ANKH: variants seen among roughly 807,000 people sequenced by gnomAD.
The protein encoded by ANKH is ANKH inorganic pyrophosphate transport regulator, also known as mineralization regulator ANKH.
Under a neutral mutation model 49.0 loss-of-function variants are expected in ANKH, and 15 were observed. That is an observed-to-expected ratio of 0.31 (90% CI 0.20 to 0.47). The LOEUF (loss-of-function observed/expected upper bound fraction) is 0.47, where lower values mean the gene tolerates loss of function less well. ANKH is among the 20% of genes least tolerant of loss of function. The pLI, the probability that ANKH is intolerant of heterozygous loss-of-function variation, is 1.00. For missense variants in ANKH, 429 were observed against 652.0 expected, an observed-to-expected ratio of 0.66 and a Z score of 3.72; for synonymous variants, 273 against 260.0, an observed-to-expected ratio of 1.05 and a Z score of -0.48.
Position 14,718,603 on chromosome 5 carries a change from G to A in ANKH, c.1012-1768C>T, listed in dbSNP as rs1292892623. On this transcript the variant is annotated intron_variant, in intron 8 of 11. Transcript: ENST00000284268. Reference sequence around the variant, plus strand: ...AGGCGGGCGGATGACCTGATGTCAGGAGTTCGAGACCAGCCTGGCCAACAT... The same window carrying A: ...AGGCGGGCGGATGACCTGATGTCAGAAGTTCGAGACCAGCCTGGCCAACAT... Among the ~76,000 whole-genome samples, 3 of 152,154 alleles carry A rather than the reference G, an allele frequency of 2.0e-5. No homozygotes were observed. The East Asian group carries it at 5.8e-4, about 29-fold the overall frequency.
At chr5:14,836,090 A>G (rs1159877908) in intron 1 of ANKH, among the ~76,000 whole-genome samples, 2 of 152,092 alleles carry the variant, frequency 1.3e-5, no homozygotes, top group Non-Finnish European at 1.5e-5. Flanking sequence ...AAAACTCTCA[A>G]TAAACTAGGT....
chr5:14,728,065 T>A (rs1425173070), intron 8 of ANKH, among the ~76,000 whole-genome samples: 1 of 152,214 alleles, frequency 6.6e-6, no homozygotes, highest in African/African-American at 2.4e-5. Flanking sequence ...ACCACTCAAA[T>A]CTGCTATACG....
intron 8 of ANKH, among the ~76,000 whole-genome samples, chr5:14,721,749 T>C (rs1332845767): frequency 6.6e-6 from 1 of 151,780 alleles, no homozygotes; most frequent in African/African-American, 2.4e-5. Flanking sequence ...GCTAACACGG[T>C]GAAACCCCAT....
At chr5:14,804,910 C>T (rs1411223160) in intron 1 of ANKH, among the ~76,000 whole-genome samples, 4 of 152,166 alleles carry the variant, frequency 2.6e-5, no homozygotes, top group Non-Finnish European at 4.4e-5. Flanking sequence ...GGTCCTCCAA[C>T]GACGTGATTC....
rs115281998 is a variant in ANKH at position 14,764,153 on chromosome 5, C to T, written c.313+4822G>A. 8.7e-3 allele frequency among the ~76,000 whole-genome samples: 1,330 copies of T among 152,276 alleles called. 20 individuals carry two copies. The highest frequency in any genetic ancestry group is 0.031 in the African/African-American group (1,275 of 41,538). On this transcript the variant is annotated intron_variant, in intron 2 of 11. Coordinates refer to ENST00000284268, the MANE Select transcript of ANKH (RefSeq NM_054027.6). ...CAAAAATATCCCTTGAGTCTTCCCT[C>T]CTACTTATATCCCCACTCTTTGTCA...
At chr5:14,736,109 C>T (rs757105052) in intron 8 of ANKH, among the ~76,000 whole-genome samples, 2 of 146,922 alleles carry the variant, frequency 1.4e-5, no homozygotes, top group South Asian at 4.2e-4. Context: ...CATGAGGCCA[C>T]GTGGTTTGAT....
intron 1 of ANKH, among the ~76,000 whole-genome samples, chr5:14,818,320 T>C (rs779634630): frequency 2.6e-5 from 4 of 152,018 alleles, no homozygotes; most frequent in Non-Finnish European, 1.5e-5. Context: ...CTCTTGGTGC[T>C]ATTCCATCTT....
chr5:14,837,406 A>G (rs1260486777), intron 1 of ANKH, among the ~76,000 whole-genome samples: 1 of 152,194 alleles, frequency 6.6e-6, no homozygotes. Context: ...GAATCTACAA[A>G]GAACTTAAAC....
intron 8 of ANKH, chr5:14,724,581 C>G: frequency 1.0e-6 from 1 of 985,426 alleles, no homozygotes; most frequent in Non-Finnish European, 1.2e-6. Context: ...CGAAACAGAG[C>G]TTGGTTTTCT....
intron 1 of ANKH, among the ~76,000 whole-genome samples, chr5:14,829,375 T>C (rs1741441631): frequency 6.6e-6 from 1 of 152,132 alleles, no homozygotes; most frequent in South Asian, 2.1e-4. Flanking sequence ...AGCTTGATGG[T>C]CAAATTTCTA....
chr5:14,793,048 A>ATAT (rs67589043), intron 1 of ANKH, among the ~76,000 whole-genome samples: 2 of 40,608 alleles, frequency 4.9e-5, no homozygotes, highest in African/African-American at 1.7e-4. Context: ...ATATATATAT[A>ATAT]AATATATATA....
rs904765461 is a variant in ANKH, at chr5:14,737,699, A to C, written c.1011+4128T>G. 6.6e-6 allele frequency among the ~76,000 whole-genome samples: 1 copy of C among 152,246 alleles called. No homozygotes were observed. Among genetic ancestry groups the C allele is most frequent in the Non-Finnish European group, 1.5e-5 (1 of 68,040 alleles). Reference sequence around the variant, plus strand: ...GCAGACCCTCTGAAGCTGTTCTTCCAAATGGCTTTATGCCACATATATTTT... The same window carrying C: ...GCAGACCCTCTGAAGCTGTTCTTCCCAATGGCTTTATGCCACATATATTTT... On this transcript the variant is annotated intron_variant, in intron 8 of 11. Transcript: ENST00000284268. This position sits in a 1 kb window ranked among gnomAD's most constrained non-coding sequence, Gnocchi z 5.0.
At chr5:14,731,480 C>T (rs745328) in intron 8 of ANKH, among the ~76,000 whole-genome samples, 29,141 of 152,110 alleles carry the variant, frequency 0.19, 3,858 homozygotes, top group African/African-American at 0.38. Context: ...TTCCAAACCC[C>T]AGCTCTCTCT....
At position 14,871,542 on chromosome 5, in the gene ANKH, G is replaced by T. The variant is rs1735828956; in HGVS notation, c.-95C>A. ...GACGGGGCGACGGGGCGAGCGGGGC[G>T]CGGGCCGACAGAGGCCGCGGGCGGC... On this transcript the variant is annotated 5_prime_UTR_variant, in exon 1 of 12. Coordinates refer to ENST00000284268, the MANE Select transcript of ANKH (RefSeq NM_054027.6). 1.1e-6 allele frequency: 1 copy of T among 928,740 alleles called. No homozygotes were observed. The highest frequency in any genetic ancestry group is 1.5e-6 in the Non-Finnish European group (1 of 671,956). The allele number at this position is 928,740 out of a possible 1,614,324, so 57.5% of individuals were successfully genotyped here.
At position 14,871,457 on chromosome 5, in the gene ANKH, C is replaced by G; in HGVS notation, c.-10G>C. 1 of 1,609,130 alleles carries G rather than the reference C, an allele frequency of 6.2e-7. No individual in the cohort carries two copies. The highest frequency in any genetic ancestry group is 8.5e-7 in the Non-Finnish European group (1 of 1,177,030). ...CCGGGAATTTCACCATAGTCCCCGCCGTGGGCTGACCCCACACACATCTGC... is the reference window on the plus strand; with the variant it reads ...CCGGGAATTTCACCATAGTCCCCGCGGTGGGCTGACCCCACACACATCTGC... On this transcript the variant is annotated 5_prime_UTR_variant, in exon 1 of 12. Transcript: ENST00000284268.
At chr5:14,843,737 C>G (rs1741881383) in intron 1 of ANKH, among the ~76,000 whole-genome samples, 1 of 152,108 alleles carries the variant, frequency 6.6e-6, no homozygotes, top group African/African-American at 2.4e-5. Context: ...CTTACCTCCT[C>G]AGTGTGTGCT....
intron 1 of ANKH, among the ~76,000 whole-genome samples, chr5:14,781,687 T>G (rs1432553334): frequency 6.6e-6 from 1 of 152,102 alleles, no homozygotes; most frequent in Non-Finnish European, 1.5e-5. Context: ...AAATTTAACC[T>G]CAATTCAAGA....
chr5:14,713,078 AC>A lies in ANKH; in HGVS notation c.1266-106del. ...TAAGTGTAGCCTCGAGACGGCTGAG[AC>A]CAGCGGCGTTCTCCATCTGCTGGCT... On this transcript the variant is annotated intron_variant, in intron 10 of 11. Transcript: ENST00000284268. This position sits in a 1 kb window ranked among gnomAD's most constrained non-coding sequence, Gnocchi z 4.4. The A allele has an allele frequency of 8.9e-7, 1 of 1,118,576 alleles. No homozygotes were observed. Among genetic ancestry groups the A allele is most frequent in the Non-Finnish European group, 1.3e-6 (1 of 761,646 alleles). The allele number at this position is 1,118,576 out of a possible 1,614,324, so 69.3% of individuals were successfully genotyped here. A position where few individuals can be genotyped will look rare whatever the true frequency, so the allele number is the denominator to read the frequency against.
At chr5:14,819,147 A>G (rs1741127568) in intron 1 of ANKH, among the ~76,000 whole-genome samples, 2 of 152,292 alleles carry the variant, frequency 1.3e-5, no homozygotes, top group South Asian at 2.1e-4. Flanking sequence ...GAAAGAGCTG[A>G]TGTCTTCCTG....
Sources: gnomAD v4.1 joint callset for allele counts (sites outside exome capture counted in the v4.1 genomes callset) on GRCh38, gnomAD v4.1.1 for gene constraint, Gnocchi (gnomAD v3.1) non-coding constraint, MANE v1.5 for transcripts, NCBI Gene and HGNC (gene_info 2026-07-23, HGNC 2026-07-21) for gene names.